The following TMEM117 variants were observed in gnomAD, a reference collection of about 807,000 sequenced individuals.
TMEM117 encodes transmembrane protein 117.
Under a neutral mutation model 52.4 loss-of-function variants are expected in TMEM117, and 27 were observed. That is an observed-to-expected ratio of 0.51 (90% CI 0.38 to 0.71). The LOEUF (loss-of-function observed/expected upper bound fraction) is 0.71, where lower values mean the gene tolerates loss of function less well. TMEM117 is among the 30% of genes least tolerant of loss of function. The pLI, the probability that TMEM117 is intolerant of heterozygous loss-of-function variation, is 0.00. For synonymous variants in TMEM117, 215 were observed against 206.3 expected (o/e 1.04, Z -0.36); for missense variants, 556 against 630.5 (o/e 0.88, Z 1.26).
In TMEM117 at chr12:44,169,257, T is replaced by C. The variant is rs987530040; in HGVS notation, c.510+25633T>C. Among the ~76,000 whole-genome samples the C allele has an allele frequency of 5.1e-3, 773 of 152,352 alleles. 6 individuals are homozygous for C. The highest frequency in any genetic ancestry group is 0.018 in the African/African-American group (732 of 41,576). ...GATCATATGGTAATTCTATGTTTAA[T>C]TTTTTGAGGAACTGCCATTTTGTTT... On this transcript the variant is annotated intron_variant, in intron 4 of 7. Coordinates refer to ENST00000266534, the MANE Select transcript of TMEM117 (RefSeq NM_032256.3).
intron 7 of TMEM117, among the ~76,000 whole-genome samples, chr12:44,378,358 G>A (rs1055103705): frequency 1.3e-5 from 2 of 152,102 alleles, no homozygotes; most frequent in Admixed American, 6.6e-5. Context: ...AGATGGTACA[G>A]ATTTCAGATT....
chr12:43,844,961 C>G (rs771397030), intron 2 of TMEM117, 33 bp downstream of exon 2: 1 of 1,569,006 alleles, frequency 6.4e-7, no homozygotes, highest in East Asian at 2.2e-5. Flanking sequence ...TGTAATATCA[C>G]TAATTATTTA....
chr12:44,384,119 T>C lies in TMEM117; in HGVS notation c.899-3907T>C, dbSNP rs184344574. On this transcript the variant is annotated intron_variant, in intron 7 of 7. Coordinates refer to ENST00000266534, the MANE Select transcript of TMEM117 (RefSeq NM_032256.3). ...ATCTGATAGGGCAAAAGGAATTTTT[T>C]AAGGAGGAGAAAGCATTACCAAGGT... 5.9e-5 allele frequency among the ~76,000 whole-genome samples: 9 copies of C among 152,174 alleles called. No individual in the cohort carries two copies. The East Asian group carries it at 1.7e-3, about 29-fold the overall frequency.
chr12:43,855,866 A>C (rs1250217488), intron 2 of TMEM117, among the ~76,000 whole-genome samples: 1 of 152,204 alleles, frequency 6.6e-6, no homozygotes. Context: ...TCAAAATAGA[A>C]GAGGTTAAAA....
Position 43,864,513 on chromosome 12 carries a change from C to T in TMEM117, c.277+19585C>T, listed in dbSNP as rs567932021. Reference sequence around the variant, plus strand: ...GTTTGTGAATGCATCAATCGGCACTCTGTATCTAGCTCAAGGTTTGTAAAT... The same window carrying T: ...GTTTGTGAATGCATCAATCGGCACTTTGTATCTAGCTCAAGGTTTGTAAAT... On this transcript the variant is annotated intron_variant, in intron 2 of 7. Transcript: ENST00000266534. Among the ~76,000 whole-genome samples, 18 of 152,280 alleles carry T rather than the reference C, an allele frequency of 1.2e-4. No individual in the cohort carries two copies. In the South Asian group the frequency reaches 3.7e-3, roughly 32 times the overall value.
At chr12:44,022,665 C>G (rs1946473718) in intron 3 of TMEM117, among the ~76,000 whole-genome samples, 1 of 152,116 alleles carries the variant, frequency 6.6e-6, no homozygotes, top group Admixed American at 6.6e-5. Flanking sequence ...GCCATCAAGT[C>G]TTTAGGCAGT....
At chr12:43,863,297 A>G (rs1013556730) in intron 2 of TMEM117, among the ~76,000 whole-genome samples, 6 of 152,214 alleles carry the variant, frequency 3.9e-5, no homozygotes, top group Non-Finnish European at 7.4e-5. Flanking sequence ...ACTTCAAGGA[A>G]GTTAATGGAG....
chr12:43,915,922 C>T (rs1171205220), intron 2 of TMEM117, among the ~76,000 whole-genome samples: 2 of 152,098 alleles, frequency 1.3e-5, no homozygotes, highest in Non-Finnish European at 2.9e-5. Flanking sequence ...TCAGCACCCC[C>T]CTCAACCTCA....
At chr12:44,298,967 A>G (rs2138639044) in intron 5 of TMEM117, among the ~76,000 whole-genome samples, 1 of 150,706 alleles carries the variant, frequency 6.6e-6, no homozygotes, top group South Asian at 2.1e-4. Flanking sequence ...TACCCTTGGT[A>G]AACAATGTAC....
intron 6 of TMEM117, among the ~76,000 whole-genome samples, chr12:44,356,456 T>G (rs911954386): frequency 4.6e-5 from 7 of 152,040 alleles, no homozygotes; most frequent in Non-Finnish European, 1.0e-4. Context: ...TTCAACTGAG[T>G]TCCTTTGAAC....
intron 7 of TMEM117, among the ~76,000 whole-genome samples, chr12:44,380,783 C>T (rs570162705): frequency 1.3e-5 from 2 of 152,216 alleles, no homozygotes; most frequent in Non-Finnish European, 2.9e-5. Flanking sequence ...GATTGTCTTT[C>T]CTATTTAATT....
chr12:43,860,172 T>C (rs775180703), intron 2 of TMEM117, among the ~76,000 whole-genome samples: 23 of 152,152 alleles, frequency 1.5e-4, no homozygotes, highest in Admixed American at 3.3e-4. Flanking sequence ...ATCCCTCCCC[T>C]AGTCCCCCCA....
intron 6 of TMEM117, among the ~76,000 whole-genome samples, chr12:44,375,021 CATTATT>C (rs200123553): frequency 2.0e-5 from 3 of 151,492 alleles, no homozygotes; most frequent in Non-Finnish European, 4.4e-5. Context: ...TTATTATTAT[CATTATT>C]ATTATTATTA....
intron 3 of TMEM117, among the ~76,000 whole-genome samples, chr12:43,983,713 C>T (rs934076314): frequency 6.6e-6 from 1 of 151,048 alleles, no homozygotes; most frequent in Non-Finnish European, 1.5e-5. Context: ...TTATGATATG[C>T]CAAGAACTTT....
At chr12:43,859,051 A>C (rs1347254253) in intron 2 of TMEM117, among the ~76,000 whole-genome samples, 1 of 152,098 alleles carries the variant, frequency 6.6e-6, no homozygotes, top group Non-Finnish European at 1.5e-5. Flanking sequence ...GGAATCATAG[A>C]ATCTCAGAGT....
At chr12:44,246,083 C>T (rs1380295873) in intron 5 of TMEM117, among the ~76,000 whole-genome samples, 1 of 152,026 alleles carries the variant, frequency 6.6e-6, no homozygotes, top group Non-Finnish European at 1.5e-5. Flanking sequence ...GAATTATAAG[C>T]TCAGTTTCTC....
intron 3 of TMEM117, among the ~76,000 whole-genome samples, chr12:44,079,980 T>G (rs1448455136): frequency 6.9e-6 from 1 of 145,666 alleles, no homozygotes; most frequent in Non-Finnish European, 1.5e-5. Flanking sequence ...ATGATGGCAT[T>G]GCATTCCAGC....
intron 5 of TMEM117, among the ~76,000 whole-genome samples, chr12:44,276,847 GT>G (rs74631291): frequency 4.0e-5 from 6 of 151,046 alleles, no homozygotes; most frequent in Non-Finnish European, 7.4e-5. Flanking sequence ...AGCTAGACCT[GT>G]TTTTTTTCCT....
chr12:43,920,320 T>C (rs982717613), intron 2 of TMEM117, among the ~76,000 whole-genome samples: 1 of 152,106 alleles, frequency 6.6e-6, no homozygotes, highest in African/African-American at 2.4e-5. Context: ...GGTCAGAAGA[T>C]CAAGACCACG....
Sources: gnomAD v4.1 joint callset for allele counts (sites outside exome capture counted in the v4.1 genomes callset) on GRCh38, gnomAD v4.1.1 for gene constraint, MANE v1.5 for transcripts, NCBI Gene and HGNC (gene_info 2026-07-23, HGNC 2026-07-21) for gene names.